MAP4K4: variants seen among roughly 807,000 people sequenced by gnomAD.
The protein encoded by MAP4K4 is mitogen-activated protein kinase kinase kinase kinase 4, also known as HPK/GCK-like kinase HGK.
A neutral mutation model predicts 189.6 loss-of-function variants in MAP4K4; 38 were observed. The ratio of observed to expected loss-of-function variants is 0.20; its 90% CI spans 0.15 to 0.26. The LOEUF is 0.26. Among genes scored for constraint, MAP4K4 ranks in the 10% least tolerant of loss-of-function variants. MAP4K4 has a pLI of 1.00. For synonymous variants in MAP4K4, 610 were observed against 624.3 expected, an observed-to-expected ratio of 0.98 and a Z score of 0.34; for missense variants, 1,054 against 1,726.9, an observed-to-expected ratio of 0.61 and a Z score of 6.91.
intron 2 of MAP4K4, among the ~76,000 whole-genome samples, chr2:101,759,485 C>T (rs1471126628): frequency 2.9e-5 from 2 of 68,628 alleles, no homozygotes; most frequent in Admixed American, 1.4e-4. Context: ...TCTCCCCTCC[C>T]CTCCCCTCTC....
At chr2:101,845,705 A>G (rs889004693) in intron 12 of MAP4K4, among the ~76,000 whole-genome samples, 4 of 152,346 alleles carry the variant, frequency 2.6e-5, no homozygotes, top group African/African-American at 9.6e-5. Context: ...TGACCAAAAC[A>G]TGGCTATTTC....
intron 2 of MAP4K4, among the ~76,000 whole-genome samples, chr2:101,755,936 T>C (rs1022783669): frequency 2.5e-4 from 31 of 123,982 alleles, no homozygotes; most frequent in East Asian, 6.7e-4. Context: ...TTTCTTTTTT[T>C]TTTTTTTTTT....
chr2:101,706,469 C>T (rs1219984410), intron 2 of MAP4K4, among the ~76,000 whole-genome samples: 2 of 152,180 alleles, frequency 1.3e-5, no homozygotes, highest in Admixed American at 6.5e-5. Context: ...CCCCTGCCCC[C>T]ACATCGCTTT....
At chr2:101,867,505 T>C (rs1054341886) in intron 20 of MAP4K4, 196 bp downstream of exon 20, 8 of 546,098 alleles carry the variant, frequency 1.5e-5, no homozygotes, top group South Asian at 9.1e-5. Flanking sequence ...GTATAAAGTC[T>C]CAAGTGAGTA....
At chr2:101,744,707 A>T (rs921889725) in intron 2 of MAP4K4, among the ~76,000 whole-genome samples, 2 of 152,086 alleles carry the variant, frequency 1.3e-5, no homozygotes, top group African/African-American at 4.8e-5. Flanking sequence ...TCGCTTGAAG[A>T]CACCAGGGGT....
At chr2:101,807,456 C>T (rs915161850) in intron 3 of MAP4K4, among the ~76,000 whole-genome samples, 1 of 152,062 alleles carries the variant, frequency 6.6e-6, no homozygotes, top group African/African-American at 2.4e-5. Context: ...ATAATGACAT[C>T]ATAGTTCATA....
intron 2 of MAP4K4, among the ~76,000 whole-genome samples, chr2:101,715,719 A>T (rs1190507778): frequency 6.6e-6 from 1 of 152,168 alleles, no homozygotes; most frequent in African/African-American, 2.4e-5. Flanking sequence ...TAAACTAAAA[A>T]ATACATAGGG....
At chr2:101,894,224 G>A (rs1381612748) in exon 33 of MAP4K4, 4 of 152,712 alleles carry the variant, frequency 2.6e-5, no homozygotes, top group Non-Finnish European at 4.4e-5. Context: ...AACTGTTAGA[G>A]GAGTGCTCTT....
At chr2:101,847,967 T>TA (rs1283996485) in intron 12 of MAP4K4, among the ~76,000 whole-genome samples, 1 of 152,198 alleles carries the variant, frequency 6.6e-6, no homozygotes, top group Non-Finnish European at 1.5e-5. Context: ...CACAACTACT[T>TA]ACCATTGTAT....
intron 3 of MAP4K4, among the ~76,000 whole-genome samples, chr2:101,805,074 A>G (rs1471593101): frequency 1.3e-5 from 1 of 79,918 alleles, no homozygotes; most frequent in Non-Finnish European, 2.2e-5. Context: ...CTCCAGATCA[A>G]AAAAAAAAAA....
At chr2:101,883,261 A>G (rs1284132567) in intron 28 of MAP4K4, among the ~76,000 whole-genome samples, 1 of 152,234 alleles carries the variant, frequency 6.6e-6, no homozygotes, top group Non-Finnish European at 1.5e-5. Context: ...TTTTATGGCA[A>G]TTGTATTGTT....
At chr2:101,827,172 C>T (rs939971499) in intron 5 of MAP4K4, among the ~76,000 whole-genome samples, 1 of 152,160 alleles carries the variant, frequency 6.6e-6, no homozygotes, top group Admixed American at 6.5e-5. Context: ...AGTTGTTTGA[C>T]GTCTCTAAGC....
At chr2:101,849,312 G>A (rs540297176) in intron 12 of MAP4K4, among the ~76,000 whole-genome samples, 1 of 152,136 alleles carries the variant, frequency 6.6e-6, no homozygotes, top group Admixed American at 6.5e-5. Flanking sequence ...TTGTTTTGTA[G>A]AGATGGGGTT....
At chr2:101,761,709 C>T (rs942148953) in intron 2 of MAP4K4, among the ~76,000 whole-genome samples, 3 of 152,006 alleles carry the variant, frequency 2.0e-5, no homozygotes, top group Non-Finnish European at 2.9e-5. Flanking sequence ...GTGCACGCCA[C>T]CACACCTGGC....
chr2:101,836,537 G>A (rs565482058), intron 9 of MAP4K4, among the ~76,000 whole-genome samples: 13 of 151,874 alleles, frequency 8.6e-5, no homozygotes, highest in Non-Finnish European at 1.5e-4. Flanking sequence ...GTGGTGAGCC[G>A]AGATCACGCC....
At chr2:101,742,730 A>G (rs1420582225) in intron 2 of MAP4K4, among the ~76,000 whole-genome samples, 1 of 152,172 alleles carries the variant, frequency 6.6e-6, no homozygotes, top group African/African-American at 2.4e-5. Context: ...TCAAGCAGGT[A>G]AAGGAGAGAG....
chr2:101,877,023 A>G lies in MAP4K4; in HGVS notation c.3262A>G (p.Thr1088Ala), dbSNP rs1014270424. 1.9e-5 allele frequency: 30 copies of G among 1,613,888 alleles called. No homozygotes were observed. Among genetic ancestry groups the G allele is most frequent in the Non-Finnish European group, 2.5e-5 (30 of 1,179,894 alleles). The stretch of plus-strand genomic sequence containing the variant: ...AACAGGAGTGAATTTGCTAGTGGGT[A>G]CAGAGAGTGGCCTGATGCTGCTGGA... The change falls in exon 27 of 33, where the codon ACA (threonine) becomes GCA (alanine). Residue 1088 changes from threonine (T) to alanine (A), a missense_variant. Around this residue, in one of 4 missense-constraint regions of MAP4K4, gnomAD observed 189 missense variants for 405.7 expected, o/e 0.47. Coordinates refer to ENST00000324219, the Ensembl canonical transcript of MAP4K4.
intron 2 of MAP4K4, among the ~76,000 whole-genome samples, chr2:101,730,118 A>G (rs1377963383): frequency 6.6e-6 from 1 of 152,138 alleles, no homozygotes; most frequent in Non-Finnish European, 1.5e-5. Flanking sequence ...GGCTTATTAT[A>G]AGGTTTCGAT....
At chr2:101,703,836 C>T (rs1338678566) in intron 2 of MAP4K4, among the ~76,000 whole-genome samples, 1 of 151,688 alleles carries the variant, frequency 6.6e-6, no homozygotes, top group African/African-American at 2.4e-5. Context: ...CATGGTGAAA[C>T]CCCATCTCTA....
Sources: gnomAD v4.1 joint callset for allele counts (sites outside exome capture counted in the v4.1 genomes callset) on GRCh38, gnomAD v4.1.1 for gene constraint, gnomAD v4.1.1 regional missense constraint, MANE v1.5 for transcripts, NCBI Gene and HGNC (gene_info 2026-07-23, HGNC 2026-07-21) for gene names.